TBC1D9: variants seen among roughly 807,000 people sequenced by gnomAD.
TBC1D9 encodes TBC1 domain family member 9A.
TBC1D9 carries 63 observed loss-of-function variants against 132.0 expected under a neutral mutation model. That is an observed-to-expected ratio of 0.48 (90% CI 0.39 to 0.59). TBC1D9 has a LOEUF of 0.59. Among genes scored for constraint, TBC1D9 ranks in the 20% least tolerant of loss-of-function variants. TBC1D9 has a pLI of 0.00. For synonymous variants in TBC1D9, 610 were observed against 609.9 expected, an observed-to-expected ratio of 1.00 and a Z score of 0.00; for missense variants, 1,261 against 1,592.7, an observed-to-expected ratio of 0.79 and a Z score of 3.54.
chr4:140,633,323 T>C (rs1399819894), intron 16 of TBC1D9, among the ~76,000 whole-genome samples: 1 of 152,180 alleles, frequency 6.6e-6, no homozygotes, highest in Non-Finnish European at 1.5e-5. Flanking sequence ...TGCCCAGTTA[T>C]AAAAAGAACA....
In TBC1D9 at chr4:140,620,969, A is replaced by G. The variant is rs1327241282; in HGVS notation, c.*1226T>C. The G allele has an allele frequency of 6.5e-6, 1 of 152,688 alleles. No individual in the cohort carries two copies. Among genetic ancestry groups the G allele is most frequent in the Non-Finnish European group, 1.5e-5 (1 of 68,034 alleles). 9.5% of individuals were successfully genotyped at this position (152,688 alleles called of 1,614,324 possible). On this transcript the variant is annotated 3_prime_UTR_variant, in exon 21 of 21. Transcript: ENST00000442267. Reference sequence around the variant, plus strand: ...AAGAAATATTCCAAAGAAGCAAAGGAAATGAGACCATGATTATGAATTCAA... The same window carrying G: ...AAGAAATATTCCAAAGAAGCAAAGGGAATGAGACCATGATTATGAATTCAA...
Position 140,718,974 on chromosome 4 carries a change from C to G in TBC1D9, c.131-17360G>C, listed in dbSNP as rs1194189263. Among the ~76,000 whole-genome samples, 9 of 151,912 alleles carry G rather than the reference C, an allele frequency of 5.9e-5. No homozygotes were observed. The South Asian group carries it at 1.5e-3, about 25-fold the overall frequency. ...TCTCTACTAAAAATACAAACATTAG[C>G]TGGCTGTGGTGGGTGCCTGTAATTC... On this transcript the variant is annotated intron_variant, in intron 1 of 20. Transcript: ENST00000442267.
At chr4:140,668,457 T>C (rs1213768438) in intron 9 of TBC1D9, among the ~76,000 whole-genome samples, 1 of 152,114 alleles carries the variant, frequency 6.6e-6, no homozygotes, top group Non-Finnish European at 1.5e-5. Context: ...CTTCAGGAGG[T>C]GGCAAAAATC....
In TBC1D9 at chr4:140,671,715, T is replaced by C. The variant is rs117905688; in HGVS notation, c.1060-789A>G. Among the ~76,000 whole-genome samples the C allele has an allele frequency of 2.1e-5, 3 of 145,412 alleles. No homozygotes were observed. The East Asian group carries it at 6.3e-4, about 30-fold the overall frequency. On this transcript the variant is annotated intron_variant, in intron 6 of 20. Coordinates refer to ENST00000442267, the MANE Select transcript of TBC1D9 (RefSeq NM_015130.3). The stretch of plus-strand genomic sequence containing the variant: ...GTGTGTGTGTGTGTGTGTGTGTGTG[T>C]GCCGAAGCCTACCACATTGGGGAAA...
chr4:140,733,614 T>C (rs1183347741), intron 1 of TBC1D9, among the ~76,000 whole-genome samples: 2 of 152,212 alleles, frequency 1.3e-5, no homozygotes, highest in Non-Finnish European at 2.9e-5. Flanking sequence ...TCTGGACAAA[T>C]GGCCTCCAGA....
At chr4:140,630,414 C>T (rs548992952) in intron 16 of TBC1D9, among the ~76,000 whole-genome samples, 1 of 152,284 alleles carries the variant, frequency 6.6e-6, no homozygotes, top group Non-Finnish European at 1.5e-5. Context: ...CAAAGAAGTT[C>T]CCAACCTTCT....
chr4:140,626,610 G>A (rs1260739399), intron 18 of TBC1D9, among the ~76,000 whole-genome samples: 1 of 152,166 alleles, frequency 6.6e-6, no homozygotes, highest in African/African-American at 2.4e-5. Flanking sequence ...GAATTAGAAG[G>A]TAACTTACTG....
intron 3 of TBC1D9, among the ~76,000 whole-genome samples, chr4:140,680,258 C>T (rs1737683427): frequency 1.3e-5 from 2 of 152,160 alleles, no homozygotes; most frequent in Non-Finnish European, 2.9e-5. Context: ...AGACCAAACA[C>T]ATGTCACCAA....
rs777193100 is a variant in TBC1D9 at position 140,657,828 on chromosome 4, A to G, written c.1922-16T>C. 20 of 1,601,588 alleles carry G rather than the reference A, an allele frequency of 1.2e-5. No individual in the cohort carries two copies. The Middle Eastern group carries it at 7.1e-4, about 57-fold the overall frequency. On this transcript the variant is annotated splice_polypyrimidine_tract_variant and intron_variant, in intron 11 of 20. Transcript: ENST00000442267. ...ACCAGTGCACCTGTGGCAGCGATGT[A>G]TACAAAAAGGCGCAGCTTAGCCAAC...
intron 3 of TBC1D9, among the ~76,000 whole-genome samples, chr4:140,685,557 C>A (rs993685426): frequency 6.6e-5 from 10 of 152,048 alleles, no homozygotes; most frequent in Non-Finnish European, 1.2e-4. Flanking sequence ...GACATGAAAA[C>A]TAAATGCAAT....
chr4:140,644,611 T>G (rs1737071284), intron 13 of TBC1D9: 1 of 372,292 alleles, frequency 2.7e-6, no homozygotes, highest in Admixed American at 3.8e-5. Flanking sequence ...GGTACTCCTC[T>G]GCGCCTTCAG....
chr4:140,623,992 A>G, intron 20 of TBC1D9, 124 bp downstream of exon 20: 1 of 717,588 alleles, frequency 1.4e-6, no homozygotes, highest in Non-Finnish European at 2.2e-6. Context: ...CCAAATGGAT[A>G]CTAAGTAAAG....
At chr4:140,660,387 A>AATATGT (rs1737338295) in intron 10 of TBC1D9, among the ~76,000 whole-genome samples, 2 of 152,244 alleles carry the variant, frequency 1.3e-5, no homozygotes, top group African/African-American at 4.8e-5. Context: ...ATTAGAGGCC[A>AATATGT]ACTACCTCCT....
At chr4:140,653,662 G>A (rs1478357593) in intron 13 of TBC1D9, among the ~76,000 whole-genome samples, 4 of 152,266 alleles carry the variant, frequency 2.6e-5, no homozygotes, top group East Asian at 1.9e-4. Flanking sequence ...AGTTCGTGGT[G>A]TTCTCTTTAA....
intron 1 of TBC1D9, among the ~76,000 whole-genome samples, chr4:140,716,448 C>G (rs894727951): frequency 6.6e-6 from 1 of 152,040 alleles, no homozygotes; most frequent in African/African-American, 2.4e-5. Context: ...CATGATCGTG[C>G]CCCTGTACTC....
chr4:140,715,057 G>A (rs575123018), intron 1 of TBC1D9, among the ~76,000 whole-genome samples: 6 of 152,180 alleles, frequency 3.9e-5, no homozygotes, highest in South Asian at 2.1e-4. Context: ...AGGAGAGATC[G>A]AGGCTGCAGT....
At chr4:140,751,294 T>C (rs895482998) in intron 1 of TBC1D9, among the ~76,000 whole-genome samples, 3 of 152,192 alleles carry the variant, frequency 2.0e-5, no homozygotes, top group Non-Finnish European at 4.4e-5. Context: ...ATACGGGTAC[T>C]TGATTTATGA....
chr4:140,714,833 G>C (rs79561572), intron 1 of TBC1D9, among the ~76,000 whole-genome samples: 2,246 of 152,286 alleles, frequency 0.015, 54 homozygotes, highest in African/African-American at 0.051. Flanking sequence ...CTGCTACAAA[G>C]AGTCTGTTTT....
chr4:140,640,489 TC>T (rs1268285908), intron 13 of TBC1D9, among the ~76,000 whole-genome samples: 3 of 151,892 alleles, frequency 2.0e-5, no homozygotes, highest in Admixed American at 6.6e-5. Context: ...TCTTCTGTGG[TC>T]TTGTACCTGT....
Sources: allele counts gnomAD v4.1 joint callset (sites outside exome capture counted in the v4.1 genomes callset), GRCh38; gene constraint gnomAD v4.1.1; transcripts MANE v1.5; gene names NCBI Gene and HGNC (gene_info 2026-07-23, HGNC 2026-07-21).